The following GABRB2 variants were observed in gnomAD, a reference collection of about 807,000 sequenced individuals.
The protein encoded by GABRB2 is gamma-aminobutyric acid receptor subunit beta-2.
A neutral mutation model predicts 54.7 loss-of-function variants in GABRB2; 16 were observed. The ratio of observed to expected loss-of-function variants is 0.29; its 90% CI spans 0.20 to 0.44. GABRB2 has a LOEUF of 0.44. Ranked by LOEUF, GABRB2 falls within the 20% of genes least tolerant of loss-of-function variation. The pLI, the probability that GABRB2 is intolerant of heterozygous loss-of-function variation, is 1.00. For missense variants in GABRB2, 355 were observed against 644.0 expected (o/e 0.55, Z 4.86); for synonymous variants, 244 against 233.8 (o/e 1.04, Z -0.40).
intron 3 of GABRB2, among the ~76,000 whole-genome samples, chr5:161,500,640 T>C (rs1759403144): frequency 6.6e-6 from 1 of 152,198 alleles, no homozygotes; most frequent in South Asian, 2.1e-4. Flanking sequence ...GCAATGATTA[T>C]AGACCCATAT....
intron 5 of GABRB2, among the ~76,000 whole-genome samples, chr5:161,377,674 T>C (rs1035386264): frequency 6.6e-6 from 1 of 152,104 alleles, no homozygotes; most frequent in Non-Finnish European, 1.5e-5. Flanking sequence ...TACAAAATAT[T>C]CCAGAGTAAG....
intron 3 of GABRB2, among the ~76,000 whole-genome samples, chr5:161,538,439 C>T (rs771903370): frequency 6.6e-6 from 1 of 152,186 alleles, no homozygotes; most frequent in African/African-American, 2.4e-5. Flanking sequence ...GACCATGAGG[C>T]ACTTACTTGG....
chr5:161,363,445 T>A (rs1326274751), intron 5 of GABRB2, among the ~76,000 whole-genome samples: 1 of 151,996 alleles, frequency 6.6e-6, no homozygotes, highest in Non-Finnish European at 1.5e-5. Context: ...GGTTGATGGG[T>A]GCAGCAACCC....
At chr5:161,424,956 T>C (rs1020305469) in intron 4 of GABRB2, among the ~76,000 whole-genome samples, 18 of 152,260 alleles carry the variant, frequency 1.2e-4, no homozygotes, top group Admixed American at 2.6e-4. Flanking sequence ...AAGGAGTTTA[T>C]GACTACAGTT....
At position 161,331,030 on chromosome 5, in the gene GABRB2, C is replaced by T. The variant is rs1365352964; in HGVS notation, c.930G>A (p.Met310Ile). Reference protein sequence around the residue: ...PYVKAIDMYLMGCFVFVFMAL... With the variant: ...PYVKAIDMYLIGCFVFVFMAL... ...CCATGAAAACGAAGACAAAGCACCC[C>T]ATCAGGTACATGTCAATGGCCTTCA... The change falls in exon 8 of 10, where the codon ATG (methionine) becomes ATA (isoleucine). Residue 310 changes from methionine to isoleucine, a missense_variant. Physicochemically the swap from Met to Ile is conservative, Grantham distance 10. Around this residue, in one of 6 missense-constraint regions of GABRB2, gnomAD observed 25 missense variants for 137.4 expected, o/e 0.18. Transcript: ENST00000393959. 1.2e-6 allele frequency: 2 copies of T among 1,614,114 alleles called. No homozygotes were observed. The highest frequency in any genetic ancestry group is 1.7e-6 in the Non-Finnish European group (2 of 1,180,012).
In GABRB2 at chr5:161,321,427, T is replaced by C. The variant is rs551252786; in HGVS notation, c.1191+4941A>G. Reference sequence around the variant, plus strand: ...ATTTGGAAACCTTAACTCCTGGACATGTATAGCTTTAGTTCTACGTGTTAT... The same window carrying C: ...ATTTGGAAACCTTAACTCCTGGACACGTATAGCTTTAGTTCTACGTGTTAT... On this transcript the variant is annotated intron_variant, in intron 9 of 9. Transcript: ENST00000393959. Among the ~76,000 whole-genome samples, 60 of 152,236 alleles carry C rather than the reference T, an allele frequency of 3.9e-4. 1 individual carries two copies. In the South Asian group the frequency reaches 0.012, roughly 31 times the overall value.
At chr5:161,351,110 T>C (rs1561618461) in intron 5 of GABRB2, among the ~76,000 whole-genome samples, 1 of 152,110 alleles carries the variant, frequency 6.6e-6, no homozygotes, top group Non-Finnish European at 1.5e-5. Context: ...GTTGGAAGAA[T>C]TCAAATTATT....
intron 7 of GABRB2, 63 bp downstream of exon 7, chr5:161,334,689 G>A: frequency 6.5e-7 from 1 of 1,548,272 alleles, no homozygotes; most frequent in Non-Finnish European, 8.8e-7. Flanking sequence ...GAAAACGCGT[G>A]CATGCGAACA....
At chr5:161,332,596 G>A (rs1364881046) in intron 7 of GABRB2, among the ~76,000 whole-genome samples, 9 of 152,142 alleles carry the variant, frequency 5.9e-5, no homozygotes, top group Non-Finnish European at 1.0e-4. Flanking sequence ...TAGCAAAATA[G>A]TGATGTGAAA....
At chr5:161,425,197 AT>A (rs1254677316) in intron 4 of GABRB2, among the ~76,000 whole-genome samples, 1 of 152,178 alleles carries the variant, frequency 6.6e-6, no homozygotes, top group Non-Finnish European at 1.5e-5. Flanking sequence ...ACATGAACTT[AT>A]TTGATAAAAC....
rs371392648 is a variant in GABRB2, at chr5:161,542,952, T to C, written c.237+2275A>G. On this transcript the variant is annotated intron_variant, in intron 3 of 9. Coordinates refer to ENST00000393959, the MANE Select transcript of GABRB2 (RefSeq NM_001371727.1). The stretch of plus-strand genomic sequence containing the variant: ...AAAACAAATAATCATCTTTAAAAAA[T>C]AAAACAAACATCACAAAAAAATTTC... Among the ~76,000 whole-genome samples, 233 of 152,270 alleles carry C rather than the reference T, an allele frequency of 1.5e-3. 3 individuals are homozygous for C. The highest frequency in any genetic ancestry group is 5.4e-3 in the African/African-American group (224 of 41,568).
At chr5:161,353,173 T>C (rs1433427415) in intron 5 of GABRB2, among the ~76,000 whole-genome samples, 1 of 152,102 alleles carries the variant, frequency 6.6e-6, no homozygotes, top group African/African-American at 2.4e-5. Flanking sequence ...AATACAACTT[T>C]TGGCTTCAGT....
At chr5:161,336,846 AT>A (rs1754010415) in intron 5 of GABRB2, 77 bp from the exon 6 acceptor site, 2 of 1,466,116 alleles carry the variant, frequency 1.4e-6, no homozygotes, top group Non-Finnish European at 1.8e-6. Context: ...ACAGAAAAAA[AT>A]ACCTGTTTAG....
Position 161,514,799 on chromosome 5 carries a change from G to A in GABRB2, c.237+30428C>T, listed in dbSNP as rs143439679. Among the ~76,000 whole-genome samples, 138 of 152,206 alleles carry A rather than the reference G, an allele frequency of 9.1e-4. No individual in the cohort carries two copies. The East Asian group carries it at 0.016, about 17-fold the overall frequency. On this transcript the variant is annotated intron_variant, in intron 3 of 9. Transcript: ENST00000393959. ...GAAATTCTAGTCATCTCAAGCCTTC[G>A]CTTGAATTTTGAATCAAACCAATCT... is the stretch of plus-strand genomic sequence containing the variant.
intron 3 of GABRB2, among the ~76,000 whole-genome samples, chr5:161,509,157 T>G (rs1759691388): frequency 6.7e-6 from 1 of 149,856 alleles, no homozygotes; most frequent in Admixed American, 6.6e-5. Flanking sequence ...AAATTCACCC[T>G]TTGATTAAAG....
rs181684576 is a variant in GABRB2 at position 161,344,520 on chromosome 5, T to A, written c.542-7751A>T. ...CATATGCTGGTACTATTTGTTTTTT[T>A]AAAAAAAAAAGTTGATGGGAAACAA... On this transcript the variant is annotated intron_variant, in intron 5 of 9. Transcript: ENST00000393959. Among the ~76,000 whole-genome samples, 490 of 149,454 alleles carry A rather than the reference T, an allele frequency of 3.3e-3. 1 individual carries two copies. Among genetic ancestry groups the A allele is most frequent in the African/African-American group, 0.01 (425 of 40,980 alleles).
chr5:161,492,557 T>C (rs1184069864), intron 3 of GABRB2, among the ~76,000 whole-genome samples: 1 of 116,986 alleles, frequency 8.5e-6, no homozygotes, highest in East Asian at 3.1e-4. Flanking sequence ...AATTTCTTTG[T>C]TGTAATTTGT....
intron 4 of GABRB2, 32 bp from the exon 5 acceptor site, chr5:161,411,089 TAGC>T: frequency 6.5e-7 from 1 of 1,528,484 alleles, no homozygotes; most frequent in Non-Finnish European, 9.1e-7. Context: ...TGAGTGTTGT[TAGC>T]AGGTCTAAGG....
intron 7 of GABRB2, among the ~76,000 whole-genome samples, chr5:161,334,319 C>A (rs1031960116): frequency 1.3e-5 from 2 of 152,172 alleles, no homozygotes; most frequent in African/African-American, 4.8e-5. Flanking sequence ...AGTCATGCTA[C>A]TCTGAAATGT....
Sources: allele counts gnomAD v4.1 joint callset (sites outside exome capture counted in the v4.1 genomes callset), GRCh38; gene constraint gnomAD v4.1.1; regional missense constraint gnomAD v4.1.1; transcripts MANE v1.5; gene names NCBI Gene and HGNC (gene_info 2026-07-23, HGNC 2026-07-21).